Variants in VAV3 observed in about 807,000 individuals in gnomAD.
VAV3 encodes the protein vav guanine nucleotide exchange factor 3, also known as guanine nucleotide exchange factor VAV3.
VAV3 carries 94 observed loss-of-function variants against 131.2 expected under a neutral mutation model. The ratio of observed to expected loss-of-function variants is 0.72; its 90% CI spans 0.61 to 0.85. The LOEUF is 0.85. VAV3 is among the 40% of genes least tolerant of loss of function. VAV3 has a pLI of 0.00. For missense variants in VAV3, 939 were observed against 1,002.7 expected (o/e 0.94, Z 0.86); for synonymous variants, 349 against 342.0 (o/e 1.02, Z -0.22).
chr1:107,715,586 A>C (rs1661045578), intron 15 of VAV3, among the ~76,000 whole-genome samples: 1 of 152,230 alleles, frequency 6.6e-6, no homozygotes, highest in South Asian at 2.1e-4. Context: ...AGAATACAAC[A>C]GTGAATTTTT....
At chr1:107,771,462 C>T (rs1334122454) in intron 5 of VAV3, among the ~76,000 whole-genome samples, 1 of 152,202 alleles carries the variant, frequency 6.6e-6, no homozygotes, top group East Asian at 1.9e-4. Flanking sequence ...ACCGTGTTAG[C>T]CAGGATGGTC....
At chr1:107,867,689 C>T (rs151273230) in intron 2 of VAV3, among the ~76,000 whole-genome samples, 38 of 152,288 alleles carry the variant, frequency 2.5e-4, no homozygotes, top group Admixed American at 4.6e-4. Flanking sequence ...AAAGCAAACG[C>T]GGCCTTGGTG....
intron 2 of VAV3, among the ~76,000 whole-genome samples, chr1:107,786,286 A>C (rs942976744): frequency 9.2e-5 from 14 of 152,176 alleles, no homozygotes; most frequent in Non-Finnish European, 1.8e-4. Context: ...TTGAATCTTC[A>C]AAAGTGAAAC....
At chr1:107,715,378 G>A (rs1211570499) in intron 15 of VAV3, among the ~76,000 whole-genome samples, 1 of 152,178 alleles carries the variant, frequency 6.6e-6, no homozygotes, top group Non-Finnish European at 1.5e-5. Flanking sequence ...TTAGTGGAAA[G>A]CTAGAGGCCT....
At chr1:107,956,042 A>G (rs1674792886) in intron 1 of VAV3, among the ~76,000 whole-genome samples, 1 of 152,256 alleles carries the variant, frequency 6.6e-6, no homozygotes, top group African/African-American at 2.4e-5. Flanking sequence ...CCAAGTGAGA[A>G]CTGATGATGC....
intron 25 of VAV3, among the ~76,000 whole-genome samples, chr1:107,582,048 G>A (rs1318631625): frequency 6.6e-6 from 1 of 152,190 alleles, no homozygotes; most frequent in African/African-American, 2.4e-5. Flanking sequence ...AAAGTTGTTA[G>A]TAAGAATATG....
At chr1:107,881,600 T>C (rs1372536593) in intron 1 of VAV3, among the ~76,000 whole-genome samples, 1 of 152,120 alleles carries the variant, frequency 6.6e-6, no homozygotes, top group Non-Finnish European at 1.5e-5. Flanking sequence ...GTAGCCTCTC[T>C]CCCTCTTCAG....
chr1:107,609,852 A>T, intron 22 of VAV3, 79 bp downstream of exon 22: 1 of 1,395,306 alleles, frequency 7.2e-7, no homozygotes, highest in Non-Finnish European at 1.0e-6. Flanking sequence ...AATATGGTTT[A>T]CTACCCCCAC....
intron 25 of VAV3, among the ~76,000 whole-genome samples, chr1:107,591,535 G>C (rs1345659082): frequency 6.6e-6 from 1 of 152,120 alleles, no homozygotes; most frequent in South Asian, 2.1e-4. Flanking sequence ...TGTTCCACAC[G>C]TCCTGAAATC....
intron 20 of VAV3, among the ~76,000 whole-genome samples, chr1:107,624,387 T>TGTGC (rs1653846192): frequency 6.7e-6 from 1 of 149,596 alleles, no homozygotes; most frequent in African/African-American, 2.5e-5. Flanking sequence ...TGTGTGTGTG[T>TGTGC]GTGTGTGTGT....
chr1:107,601,791 G>A (rs750458798), intron 24 of VAV3, among the ~76,000 whole-genome samples: 7 of 143,624 alleles, frequency 4.9e-5, no homozygotes, highest in Admixed American at 1.4e-4. Flanking sequence ...TTTTAAACTG[G>A]GAATAATCCT....
chr1:107,574,949 A>T (rs1256298012), intron 25 of VAV3, among the ~76,000 whole-genome samples: 3 of 150,296 alleles, frequency 2.0e-5, no homozygotes, highest in Non-Finnish European at 4.4e-5. Context: ...TCCTGTGTTC[A>T]GAGTTGAGTT....
intron 15 of VAV3, among the ~76,000 whole-genome samples, chr1:107,722,784 C>T (rs1012017484): frequency 1.0e-4 from 15 of 149,358 alleles, no homozygotes; most frequent in African/African-American, 3.7e-4. Flanking sequence ...AGTGATGAAA[C>T]AAACTAGATA....
intron 2 of VAV3, among the ~76,000 whole-genome samples, chr1:107,823,189 G>C (rs1222429482): frequency 6.6e-6 from 1 of 152,172 alleles, no homozygotes; most frequent in Non-Finnish European, 1.5e-5. Context: ...AGAAAAACTT[G>C]CTTACAACAG....
intron 1 of VAV3, among the ~76,000 whole-genome samples, chr1:107,915,158 A>T (rs144875096): frequency 6.6e-6 from 1 of 152,238 alleles, no homozygotes; most frequent in Non-Finnish European, 1.5e-5. Flanking sequence ...ACTTAATCCA[A>T]TAGGCCCAAA....
At chr1:107,645,826 CT>C (rs1655698927) in intron 19 of VAV3, among the ~76,000 whole-genome samples, 1 of 151,990 alleles carries the variant, frequency 6.6e-6, no homozygotes, top group Non-Finnish European at 1.5e-5. Flanking sequence ...TATAGGTTTT[CT>C]TCTCCCCTTA....
At chr1:107,893,934 C>T (rs908610773) in intron 1 of VAV3, among the ~76,000 whole-genome samples, 5 of 152,132 alleles carry the variant, frequency 3.3e-5, no homozygotes, top group African/African-American at 1.2e-4. Context: ...AATGTCAGGG[C>T]TACCTCTGTG....
chr1:107,931,646 T>C (rs1438883656), intron 1 of VAV3, among the ~76,000 whole-genome samples: 4 of 152,224 alleles, frequency 2.6e-5, no homozygotes, highest in Non-Finnish European at 5.9e-5. Flanking sequence ...TGAAATATTG[T>C]CATAAAGAAT....
intron 2 of VAV3, among the ~76,000 whole-genome samples, chr1:107,860,742 G>A (rs1669700066): frequency 6.6e-6 from 1 of 151,594 alleles, no homozygotes; most frequent in South Asian, 2.1e-4. Flanking sequence ...TTCATTTTAA[G>A]AAGAGAAGCC....
Sources: gnomAD v4.1 joint callset for allele counts (sites outside exome capture counted in the v4.1 genomes callset) on GRCh38, gnomAD v4.1.1 for gene constraint, MANE v1.5 for transcripts, NCBI Gene and HGNC (gene_info 2026-07-23, HGNC 2026-07-21) for gene names.